The following COLEC12 variants were observed in gnomAD, a reference collection of about 807,000 sequenced individuals.
The protein encoded by COLEC12 is collectin-12.
COLEC12 carries 33 observed loss-of-function variants against 71.1 expected under a neutral mutation model. That is an observed-to-expected ratio of 0.46 (90% CI 0.35 to 0.62). COLEC12 has a LOEUF of 0.62. Ranked by LOEUF, COLEC12 falls within the 20% of genes least tolerant of loss-of-function variation. The probability of loss-of-function intolerance (pLI) is 0.00; values close to 1 mark genes in which losing one functional copy is unlikely to be tolerated. For missense variants in COLEC12, 765 were observed against 916.1 expected, an observed-to-expected ratio of 0.84 and a Z score of 2.13; for synonymous variants, 350 against 353.0, an observed-to-expected ratio of 0.99 and a Z score of 0.10.
chr18:335,156 G>T lies in COLEC12; in HGVS notation c.1402C>A (p.Gln468Lys). Reference sequence around the variant, plus strand: ...CCAGGCTCCCCCTTCTCTCCTTTCTGTCCCTTGTTGCCAGTTGGGCCAGGG... The same window carrying T: ...CCAGGCTCCCCCTTCTCTCCTTTCTTTCCCTTGTTGCCAGTTGGGCCAGGG... ...GPPGPTGNKG[Q>K]KGEKGEPGPP... is the part of the protein sequence containing the mutation. Residue 468 changes from glutamine to lysine, a missense_variant, in exon 6 of 10, where the codon CAG (glutamine) becomes AAG (lysine). Transcript: ENST00000400256. 1.2e-6 allele frequency: 2 copies of T among 1,612,426 alleles called. No individual in the cohort carries two copies. Among genetic ancestry groups the T allele is most frequent in the East Asian group, 2.2e-5 (1 of 44,710 alleles).
chr18:434,873 A>T (rs926232986), intron 2 of COLEC12, among the ~76,000 whole-genome samples: 1 of 151,902 alleles, frequency 6.6e-6, no homozygotes, highest in Non-Finnish European at 1.5e-5. Flanking sequence ...TCCATTTCTC[A>T]TCCTGGCTAG....
At chr18:457,506 C>T (rs1916896429) in intron 2 of COLEC12, among the ~76,000 whole-genome samples, 2 of 152,156 alleles carry the variant, frequency 1.3e-5, no homozygotes, top group Admixed American at 1.3e-4. Flanking sequence ...GCACACATAT[C>T]CCAAAAGTGG....
At chr18:405,676 T>C (rs1486243507) in intron 2 of COLEC12, among the ~76,000 whole-genome samples, 6 of 152,190 alleles carry the variant, frequency 3.9e-5, no homozygotes, top group African/African-American at 1.4e-4. Flanking sequence ...TTCATGGCCA[T>C]ATGGCTGGTG....
intron 8 of COLEC12, among the ~76,000 whole-genome samples, chr18:323,184 C>T (rs1913756225): frequency 6.6e-6 from 1 of 152,150 alleles, no homozygotes; most frequent in African/African-American, 2.4e-5. Context: ...CAAGATCATG[C>T]CACTGCACTC....
intron 3 of COLEC12, among the ~76,000 whole-genome samples, chr18:353,277 C>T (rs1358573777): frequency 1.3e-5 from 2 of 152,124 alleles, no homozygotes. Context: ...TATCGAGTGC[C>T]TGCTCTTTGC....
chr18:497,497 C>T (rs996376552), intron 1 of COLEC12, among the ~76,000 whole-genome samples: 4 of 152,020 alleles, frequency 2.6e-5, no homozygotes, highest in Admixed American at 1.3e-4. Flanking sequence ...CTCCACCTCC[C>T]GGGTTCAAGC....
rs572765367 is a variant in COLEC12 at position 367,362 on chromosome 18, AT to A, written c.59-9841del. ...CCACTCTCCCTCACATACCGATTTG[AT>A]TTTTTTTTTAACCACCAAAACTAGT... On this transcript the variant is annotated intron_variant, in intron 2 of 9. Transcript: ENST00000400256. 6.5e-3 allele frequency among the ~76,000 whole-genome samples: 972 copies of A among 150,372 alleles called. 4 individuals carry two copies. Among genetic ancestry groups the A allele is most frequent in the Middle Eastern group, 0.024 (7 of 292 alleles).
In COLEC12 at chr18:399,032, C is replaced by T. The variant is rs1292865556; in HGVS notation, c.59-41510G>A. Among the ~76,000 whole-genome samples, 1 of 152,226 alleles carries T rather than the reference C, an allele frequency of 6.6e-6. No homozygotes were observed. Among genetic ancestry groups the T allele is most frequent in the African/African-American group, 2.4e-5 (1 of 41,460 alleles). On this transcript the variant is annotated intron_variant, in intron 2 of 9. Transcript: ENST00000400256. The surrounding 1 kb of genome is among the most constrained non-coding windows in gnomAD (Gnocchi z 4.0). ...CATCCAAATTCCTCTGATCTTGTTA[C>T]CCATGTAATACAACAGAGTAGGTCC...
intron 6 of COLEC12, chr18:333,688 C>T (rs1353175349): frequency 6.6e-6 from 1 of 152,250 alleles, no homozygotes; most frequent in African/African-American, 2.4e-5. Flanking sequence ...CATCTAACAC[C>T]TTTCTCAAAA....
At chr18:392,358 C>A (rs1359374417) in intron 2 of COLEC12, among the ~76,000 whole-genome samples, 1 of 152,172 alleles carries the variant, frequency 6.6e-6, no homozygotes, top group African/African-American at 2.4e-5. Flanking sequence ...GGTTTTGTCA[C>A]CGAACATCCA....
chr18:498,253 A>C (rs1162117111), intron 1 of COLEC12, among the ~76,000 whole-genome samples: 1 of 152,204 alleles, frequency 6.6e-6, no homozygotes, highest in Non-Finnish European at 1.5e-5. Context: ...GTAGGTACTA[A>C]AAAATTATTA....
rs982220917 is a variant in COLEC12 at position 333,220 on chromosome 18, G to C, written c.1817-77C>G. ...TGCCTTTCTTCAGCTGTGTTTCAGAGGCCAAAACTGTGGTCCCGCTGGGAG... is the reference window on the plus strand; with the variant it reads ...TGCCTTTCTTCAGCTGTGTTTCAGACGCCAAAACTGTGGTCCCGCTGGGAG... On this transcript the variant is annotated intron_variant, in intron 6 of 9. Coordinates refer to ENST00000400256, the MANE Select transcript of COLEC12 (RefSeq NM_130386.3). 3 of 1,292,298 alleles carry C rather than the reference G, an allele frequency of 2.3e-6. No homozygotes were observed. The Admixed American group carries it at 6.7e-5, about 29-fold the overall frequency. 80.1% of individuals were successfully genotyped at this position (1,292,298 alleles called of 1,614,324 possible). A position where few individuals can be genotyped will look rare whatever the true frequency, so the allele number is the denominator to read the frequency against.
At position 319,722 on chromosome 18, in the gene COLEC12, C is replaced by G; in HGVS notation, c.*323G>C. 1 of 351,360 alleles carries G rather than the reference C, an allele frequency of 2.8e-6. No homozygotes were observed. The highest frequency in any genetic ancestry group is 5.2e-6 in the Non-Finnish European group (1 of 193,834). 21.8% of individuals were successfully genotyped at this position (351,360 alleles called of 1,614,324 possible). A position where few individuals can be genotyped will look rare whatever the true frequency, so the allele number is the denominator to read the frequency against. On this transcript the variant is annotated 3_prime_UTR_variant, in exon 10 of 10. Transcript: ENST00000400256. ...TAAGTTCTTCCCATAACTCAACGAC[C>G]AATGATAACCTTTTTCTGATTGGAG...
chr18:335,132 C>T lies in COLEC12; in HGVS notation c.1426G>A (p.Gly476Arg). Residue 476 changes from glycine (G) to arginine (R), a missense_variant, in exon 6 of 10, where the codon GGA (glycine) becomes AGA (arginine). Physicochemically the swap from Gly to Arg is moderately radical, Grantham distance 125. Coordinates refer to ENST00000400256, the MANE Select transcript of COLEC12 (RefSeq NM_130386.3). ...CTCTCACCCGCAGGGCCAGGTGGTC[C>T]AGGCTCCCCCTTCTCTCCTTTCTGT... Reference protein sequence around the residue: ...KGQKGEKGEPGPPGPAGERGP... With the variant: ...KGQKGEKGEPRPPGPAGERGP... 6.2e-7 allele frequency: 1 copy of T among 1,612,960 alleles called. No individual in the cohort carries two copies. Among genetic ancestry groups the T allele is most frequent in the Non-Finnish European group, 8.5e-7 (1 of 1,179,656 alleles).
intron 2 of COLEC12, among the ~76,000 whole-genome samples, chr18:375,426 T>C (rs117700202): frequency 1.0e-3 from 153 of 152,360 alleles, no homozygotes; most frequent in Non-Finnish European, 1.5e-3. Context: ...AGGCCTTCCC[T>C]GACCATTCTT....
intron 1 of COLEC12, among the ~76,000 whole-genome samples, chr18:497,563 C>T (rs1917737255): frequency 6.6e-6 from 1 of 152,124 alleles, no homozygotes; most frequent in African/African-American, 2.4e-5. Context: ...CGCCACCAGG[C>T]CCAGATAATT....
intron 1 of COLEC12, among the ~76,000 whole-genome samples, chr18:489,558 A>T (rs1377296455): frequency 7.2e-5 from 11 of 152,228 alleles, no homozygotes; most frequent in Non-Finnish European, 4.4e-5. Flanking sequence ...ATATGTTTGA[A>T]CACACAGAGG....
chr18:328,279 C>T (rs1002418800), intron 8 of COLEC12, among the ~76,000 whole-genome samples: 1 of 152,086 alleles, frequency 6.6e-6, no homozygotes, highest in African/African-American at 2.4e-5. Context: ...CCTTGGAGGC[C>T]ACAGATGCAA....
chr18:448,038 G>A (rs1916686380), intron 2 of COLEC12, among the ~76,000 whole-genome samples: 1 of 152,092 alleles, frequency 6.6e-6, no homozygotes, highest in Non-Finnish European at 1.5e-5. Flanking sequence ...AAGTTCAATG[G>A]GAAAATGTTG....
Sources: allele counts gnomAD v4.1 joint callset (sites outside exome capture counted in the v4.1 genomes callset), GRCh38; gene constraint gnomAD v4.1.1; non-coding constraint Gnocchi (gnomAD v3.1); transcripts MANE v1.5; gene names NCBI Gene and HGNC (gene_info 2026-07-23, HGNC 2026-07-21).